METTL22: variants seen among roughly 807,000 people sequenced by gnomAD.
The protein encoded by METTL22 is methyltransferase-like protein 22.
Under a neutral mutation model 48.4 loss-of-function variants are expected in METTL22, and 51 were observed. The ratio of observed to expected loss-of-function variants is 1.05; its 90% CI spans 0.84 to 1.33. The LOEUF (loss-of-function observed/expected upper bound fraction) is 1.33, where lower values mean the gene tolerates loss of function less well. METTL22 is among the 40% of genes most tolerant of loss of function. The pLI is 0.00. For synonymous variants in METTL22, 255 were observed against 214.1 expected (o/e 1.19, Z -1.67); for missense variants, 678 against 526.9 (o/e 1.29, Z -2.81).
Position 8,646,266 on chromosome 16 carries a change from C to T in METTL22, c.*123C>T, listed in dbSNP as rs766671832. The T allele has an allele frequency of 8.1e-7, 1 of 1,232,606 alleles. No individual in the cohort carries two copies. Among genetic ancestry groups the T allele is most frequent in the Non-Finnish European group, 1.2e-6 (1 of 854,808 alleles). 76.4% of individuals were successfully genotyped at this position (1,232,606 alleles called of 1,614,324 possible). A position where few individuals can be genotyped will look rare whatever the true frequency, so the allele number is the denominator to read the frequency against. On this transcript the variant is annotated 3_prime_UTR_variant, in exon 11 of 11. Transcript: ENST00000381920. ...ATTTTAAAAATATGGTTACACGTAC[C>T]TTAGATGACCCAAGATGGTTTTCTG...
chr16:8,640,895 TG>T (rs2056585244), intron 6 of METTL22, among the ~76,000 whole-genome samples: 1 of 24,250 alleles, frequency 4.1e-5, no homozygotes, highest in South Asian at 1.9e-3. Flanking sequence ...GGTGGGTGAA[TG>T]GATGGATGGA....
At chr16:8,653,288 A>C (rs1403239345), downstream of METTL22, among the ~76,000 whole-genome samples, 3 of 152,234 alleles carry the variant, frequency 2.0e-5, no homozygotes, top group Non-Finnish European at 4.4e-5. Flanking sequence ...GACAACGCTA[A>C]GTTTTAATAT....
Position 8,625,699 on chromosome 16 carries a change from G to C in METTL22, c.34G>C (p.Glu12Gln), listed in dbSNP as rs745463777. 6.2e-7 allele frequency: 1 copy of C among 1,614,158 alleles called. No individual in the cohort carries two copies. Among genetic ancestry groups the C allele is most frequent in the Non-Finnish European group, 8.5e-7 (1 of 1,180,028 alleles). The change falls in exon 2 of 11, where the codon GAG becomes CAG. Residue 12 changes from glutamate (E) to glutamine (Q), a missense_variant. Glu to Gln is a conservative substitution (Grantham distance 29). Transcript: ENST00000381920. ...VQLAPAAAMDEVTFRSDTVLS... is the reference protein window; with the variant it reads ...VQLAPAAAMDQVTFRSDTVLS... ...GCTGGCTCCTGCGGCAGCCATGGAC[G>C]AGGTCACCTTTAGGAGCGACACTGT...
chr16:8,644,898 A>G, intron 10 of METTL22, 173 bp downstream of exon 10: 1 of 640,536 alleles, frequency 1.6e-6, no homozygotes, highest in Non-Finnish European at 2.4e-6. Flanking sequence ...GGGGAGCTAC[A>G]TCCTGTTCTT....
chr16:8,629,071 G>A lies in METTL22; in HGVS notation c.475G>A (p.Glu159Lys), dbSNP rs1158439718. 5 of 1,613,708 alleles carry A rather than the reference G, an allele frequency of 3.1e-6. No individual in the cohort carries two copies. The African/African-American group carries it at 4.0e-5, about 13-fold the overall frequency. The change falls in exon 3 of 11, where the codon GAG becomes AAG. Residue 159 changes from glutamate to lysine, a missense_variant. Transcript: ENST00000381920. The part of the protein sequence containing the change: ...LAQEEDDVLG[E>K]EAQGSPHDII... Reference sequence around the variant, plus strand: ...ACAGGAAGAAGACGACGTCCTGGGAGAGGAAGCACAAGGCAGCCCGCACGA... The same window carrying A: ...ACAGGAAGAAGACGACGTCCTGGGAAAGGAAGCACAAGGCAGCCCGCACGA...
intron 1 of METTL22, among the ~76,000 whole-genome samples, chr16:8,623,095 A>G (rs939300184): frequency 4.6e-5 from 7 of 151,950 alleles, no homozygotes; most frequent in Non-Finnish European, 1.0e-4. Context: ...AGATGGATCT[A>G]CCTTGGTCAG....
At chr16:8,654,379 C>T (rs2056936384), downstream of METTL22, among the ~76,000 whole-genome samples, 1 of 152,156 alleles carries the variant, frequency 6.6e-6, no homozygotes, top group African/African-American at 2.4e-5. Flanking sequence ...AAGTTACATA[C>T]CACATGGTTA....
the METTL22 span, among the ~76,000 whole-genome samples, chr16:8,654,807 G>T: frequency 6.6e-6 from 1 of 152,328 alleles, no homozygotes; most frequent in South Asian, 2.1e-4. Context: ...ACTCCATGTT[G>T]TCTGGTTCCC....
intron 5 of METTL22, among the ~76,000 whole-genome samples, chr16:8,637,020 G>A (rs1188237373): frequency 6.6e-6 from 1 of 152,188 alleles, no homozygotes; most frequent in African/African-American, 2.4e-5. Context: ...AACTCCTAAC[G>A]TGCCAGAGTG....
At chr16:8,623,180 G>C (rs1009156858) in intron 1 of METTL22, among the ~76,000 whole-genome samples, 6 of 151,954 alleles carry the variant, frequency 3.9e-5, no homozygotes, top group South Asian at 2.1e-4. Context: ...TGGACATTGT[G>C]GTGCATGCCT....
intron 2 of METTL22, among the ~76,000 whole-genome samples, chr16:8,626,051 C>T (rs1408320164): frequency 2.0e-5 from 3 of 152,174 alleles, no homozygotes; most frequent in Non-Finnish European, 2.9e-5. Context: ...GTCTGGAGTG[C>T]AGTGGCACAG....
intron 1 of METTL22, among the ~76,000 whole-genome samples, chr16:8,622,458 A>T (rs370244142): frequency 1.3e-4 from 20 of 152,048 alleles, no homozygotes; most frequent in African/African-American, 4.3e-4. Flanking sequence ...CTGCAGCCCT[A>T]TGGAGAGGTG....
Position 8,628,774 on chromosome 16 carries a change from A to T in METTL22, c.178A>T (p.Thr60Ser). Residue 60 changes from threonine to serine, a missense_variant, in exon 3 of 11, where the codon ACA (threonine) becomes TCA (serine). By Grantham distance (58) the Thr-to-Ser change is moderately conservative (BLOSUM62 1). Transcript: ENST00000381920. ...GCTTCTATGGAGCCAAGACTCTTGG[A>T]CAGATTCAGGAGCCAAGGGTGGCAG... is the stretch of plus-strand genomic sequence containing the variant. ...FKLLWSQDSW[T>S]DSGAKGGSHR... The T allele has an allele frequency of 6.2e-7, 1 of 1,614,180 alleles. No individual in the cohort carries two copies. Among genetic ancestry groups the T allele is most frequent in the Middle Eastern group, 1.6e-4 (1 of 6,062 alleles).
chr16:8,622,730 C>T (rs997668609), intron 1 of METTL22, among the ~76,000 whole-genome samples: 2 of 152,128 alleles, frequency 1.3e-5, no homozygotes, highest in Non-Finnish European at 2.9e-5. Context: ...ATATACTCCT[C>T]TGAGTATATG....
the METTL22 span, among the ~76,000 whole-genome samples, chr16:8,664,366 G>A: frequency 6.6e-6 from 1 of 152,010 alleles, no homozygotes; most frequent in African/African-American, 2.4e-5. Context: ...GGCTGGTCTC[G>A]AACTCCTGAC....
downstream of METTL22, among the ~76,000 whole-genome samples, chr16:8,651,327 C>T (rs1273580508): frequency 8.1e-6 from 1 of 123,112 alleles, no homozygotes; most frequent in Non-Finnish European, 1.6e-5. Context: ...GCGGAGCTTG[C>T]AGTGAGCTGA....
At chr16:8,659,932 C>T in the METTL22 span, among the ~76,000 whole-genome samples, 2 of 152,046 alleles carry the variant, frequency 1.3e-5, no homozygotes, top group Non-Finnish European at 2.9e-5. Flanking sequence ...CACTATGTTG[C>T]CCAGGCTGGT....
chr16:8,658,121 A>G, the METTL22 span, among the ~76,000 whole-genome samples: 1 of 152,104 alleles, frequency 6.6e-6, no homozygotes, highest in Admixed American at 6.6e-5. Flanking sequence ...TCTGCCCCTG[A>G]TGTCTTTATA....
At chr16:8,655,950 G>C in the METTL22 span, among the ~76,000 whole-genome samples, 21 of 152,350 alleles carry the variant, frequency 1.4e-4, 1 homozygote, top group Admixed American at 1.0e-3. Flanking sequence ...ACAAGACATA[G>C]TTCTTGAAGA....
Sources: allele counts gnomAD v4.1 joint callset (sites outside exome capture counted in the v4.1 genomes callset), GRCh38; gene constraint gnomAD v4.1.1; transcripts MANE v1.5; gene names NCBI Gene and HGNC (gene_info 2026-07-23, HGNC 2026-07-21).